CNTNAP2: variants seen among roughly 807,000 people sequenced by gnomAD.
CNTNAP2 encodes contactin-associated protein-like 2.
Under a neutral mutation model 155.2 loss-of-function variants are expected in CNTNAP2, and 98 were observed. The ratio of observed to expected loss-of-function variants is 0.63; its 90% CI spans 0.54 to 0.75. The LOEUF (loss-of-function observed/expected upper bound fraction) is 0.75. CNTNAP2 is among the 30% of genes least tolerant of loss of function. CNTNAP2 has a pLI of 0.00. For missense variants in CNTNAP2, 1,727 were observed against 1,688.1 expected (o/e 1.02, Z -0.40); for synonymous variants, 651 against 631.2 (o/e 1.03, Z -0.47).
intron 21 of CNTNAP2, among the ~76,000 whole-genome samples, chr7:148,327,547 C>A (rs1797914333): frequency 6.6e-6 from 1 of 152,134 alleles, no homozygotes; most frequent in Non-Finnish European, 1.5e-5. Flanking sequence ...TGTTCCATGG[C>A]CAGTCAAATC....
chr7:146,185,564 G>C (rs535718433), intron 1 of CNTNAP2, among the ~76,000 whole-genome samples: 1 of 152,296 alleles, frequency 6.6e-6, no homozygotes, highest in Admixed American at 6.5e-5. Context: ...CTCCTCCAAG[G>C]GAGCAGTGCT....
At chr7:146,293,764 GA>G (rs575334470) in intron 1 of CNTNAP2, among the ~76,000 whole-genome samples, 114 of 151,400 alleles carry the variant, frequency 7.5e-4, no homozygotes, top group African/African-American at 2.7e-3. Context: ...TATCTAATTT[GA>G]AAAAATAACT....
intron 9 of CNTNAP2, among the ~76,000 whole-genome samples, chr7:147,354,517 C>T (rs1393679133): frequency 2.0e-5 from 3 of 152,080 alleles, no homozygotes; most frequent in African/African-American, 7.2e-5. Context: ...GTACCAGTAC[C>T]ATGCTGTTTT....
At chr7:146,655,703 G>A (rs1041870885) in intron 1 of CNTNAP2, among the ~76,000 whole-genome samples, 3 of 152,012 alleles carry the variant, frequency 2.0e-5, no homozygotes, top group East Asian at 3.9e-4. Context: ...AGGTGTTTCT[G>A]ACAAATAGTA....
rs541042639 is a variant in CNTNAP2 at position 148,351,679 on chromosome 7, G to T, written c.3476-31970G>T. 1.2e-3 allele frequency among the ~76,000 whole-genome samples: 166 copies of T among 143,354 alleles called. 1 individual carries two copies. The highest frequency in any genetic ancestry group is 7.8e-3 in the Middle Eastern group (2 of 256). The allele number at this position is 143,354 out of a possible 152,430, so 94.0% of individuals were successfully genotyped here. On this transcript the variant is annotated intron_variant, in intron 21 of 23. Coordinates refer to ENST00000361727, the MANE Select transcript of CNTNAP2 (RefSeq NM_014141.6). Reference sequence around the variant, plus strand: ...AATCACTTGAACCCAGGAGCCGGAGGTTGCAGTGAGCCGAGATCACGCCTC... The same window carrying T: ...AATCACTTGAACCCAGGAGCCGGAGTTTGCAGTGAGCCGAGATCACGCCTC...
At chr7:146,276,363 T>C (rs1300908575) in intron 1 of CNTNAP2, among the ~76,000 whole-genome samples, 8 of 152,232 alleles carry the variant, frequency 5.3e-5, no homozygotes, top group Non-Finnish European at 8.8e-5. Flanking sequence ...TCTATTGGGA[T>C]ATGGAACCTA....
chr7:146,794,673 T>G (rs1229180611), intron 2 of CNTNAP2, among the ~76,000 whole-genome samples: 2 of 152,140 alleles, frequency 1.3e-5, no homozygotes, highest in East Asian at 3.9e-4. Context: ...CTAAGGCCTA[T>G]CTAACTGTGT....
intron 13 of CNTNAP2, among the ~76,000 whole-genome samples, chr7:147,666,595 G>T (rs769531154): frequency 6.6e-6 from 1 of 152,256 alleles, no homozygotes; most frequent in East Asian, 1.9e-4. Context: ...CTGTAAAACC[G>T]TATTCAGTGT....
chr7:147,502,509 G>T (rs994167082), intron 11 of CNTNAP2, among the ~76,000 whole-genome samples: 1 of 152,132 alleles, frequency 6.6e-6, no homozygotes. Context: ...AGGGACAATG[G>T]AGAAATGTTG....
intron 13 of CNTNAP2, among the ~76,000 whole-genome samples, chr7:147,737,015 C>G (rs992660494): frequency 6.6e-6 from 1 of 152,220 alleles, no homozygotes; most frequent in Admixed American, 6.5e-5. Flanking sequence ...GCCTTCTTCT[C>G]TCAACTCATC....
At chr7:147,878,138 T>C (rs759177) in intron 13 of CNTNAP2, among the ~76,000 whole-genome samples, 86,258 of 151,466 alleles carry the variant, frequency 0.57, 25,125 homozygotes, top group African/African-American at 0.69. Flanking sequence ...GCATTGGAAG[T>C]TTAGGGTTTT....
intron 10 of CNTNAP2, among the ~76,000 whole-genome samples, chr7:147,449,173 A>T (rs980674779): frequency 6.6e-6 from 1 of 152,202 alleles, no homozygotes; most frequent in East Asian, 1.9e-4. Flanking sequence ...TTCTCTGGCT[A>T]TTTAAATTAC....
At chr7:146,965,540 G>A (rs1797640552) in intron 3 of CNTNAP2, among the ~76,000 whole-genome samples, 1 of 151,946 alleles carries the variant, frequency 6.6e-6, no homozygotes, top group Admixed American at 6.6e-5. Flanking sequence ...TGGGTATTTT[G>A]TTGTACTAAA....
At chr7:147,254,077 G>A (rs986974881) in intron 8 of CNTNAP2, among the ~76,000 whole-genome samples, 8 of 152,026 alleles carry the variant, frequency 5.3e-5, no homozygotes, top group African/African-American at 1.9e-4. Context: ...GATTTTTATG[G>A]CATTCATGTG....
At chr7:146,130,992 G>C (rs896421946) in intron 1 of CNTNAP2, among the ~76,000 whole-genome samples, 1 of 152,096 alleles carries the variant, frequency 6.6e-6, no homozygotes, top group Non-Finnish European at 1.5e-5. Context: ...GGATTAAGAG[G>C]GTTACAATTC....
At chr7:147,289,315 G>C (rs1805249715) in intron 8 of CNTNAP2, among the ~76,000 whole-genome samples, 1 of 152,038 alleles carries the variant, frequency 6.6e-6, no homozygotes, top group Admixed American at 6.6e-5. Flanking sequence ...TCAATAGTCA[G>C]ATGAATTAGA....
At chr7:147,997,002 G>T (rs1801814561) in intron 15 of CNTNAP2, among the ~76,000 whole-genome samples, 1 of 152,162 alleles carries the variant, frequency 6.6e-6, no homozygotes, top group African/African-American at 2.4e-5. Flanking sequence ...AGAGACCCCA[G>T]AGAGCTTATT....
At chr7:146,252,046 C>A (rs1799763867) in intron 1 of CNTNAP2, among the ~76,000 whole-genome samples, 1 of 152,076 alleles carries the variant, frequency 6.6e-6, no homozygotes, top group Admixed American at 6.6e-5. Flanking sequence ...ATTCCAGGAG[C>A]CCAGAGTGAA....
intron 21 of CNTNAP2, among the ~76,000 whole-genome samples, chr7:148,299,569 G>A (rs1797345467): frequency 6.6e-6 from 1 of 152,182 alleles, no homozygotes; most frequent in Non-Finnish European, 1.5e-5. Context: ...TTTCTGACTA[G>A]CCACTGTAGT....
Sources: allele counts gnomAD v4.1 joint callset (sites outside exome capture counted in the v4.1 genomes callset), GRCh38; gene constraint gnomAD v4.1.1; transcripts MANE v1.5; gene names NCBI Gene and HGNC (gene_info 2026-07-23, HGNC 2026-07-21).